Variants in KALRN observed in about 807,000 individuals in gnomAD.
The protein encoded by KALRN is kalirin RhoGEF kinase, also known as kalirin.
KALRN carries 70 observed loss-of-function variants against 353.7 expected under a neutral mutation model. That is an observed-to-expected ratio of 0.20 (90% CI 0.16 to 0.24). The LOEUF (loss-of-function observed/expected upper bound fraction) is 0.24, where lower values mean the gene tolerates loss of function less well. KALRN is among the 10% of genes least tolerant of loss of function. KALRN has a pLI of 1.00. For missense variants in KALRN, 2,791 were observed against 3,756.7 expected (o/e 0.74, Z 6.72); for synonymous variants, 1,391 against 1,434.8 (o/e 0.97, Z 0.69).
chr3:124,724,932 A>G lies in KALRN; in HGVS notation c.*5462A>G, dbSNP rs910088171. The G allele has an allele frequency of 2.6e-5, 4 of 152,212 alleles. No homozygotes were observed. The highest frequency in any genetic ancestry group is 9.6e-5 in the African/African-American group (4 of 41,466). The allele number at this position is 152,212 out of a possible 1,614,324, so 9.4% of individuals were successfully genotyped here. The stretch of plus-strand genomic sequence containing the variant: ...TGCTGTGAGATTCTAAAATGTGTTC[A>G]GATTTAGTTTTTATTCAAATGATCA... On this transcript the variant is annotated 3_prime_UTR_variant, in exon 60 of 60. Coordinates refer to ENST00000682506, the MANE Select transcript of KALRN (RefSeq NM_001388419.1).
At chr3:124,090,889 G>A (rs1254661577) in intron 1 of KALRN, among the ~76,000 whole-genome samples, 13 of 152,222 alleles carry the variant, frequency 8.5e-5, no homozygotes, top group Admixed American at 7.8e-4. Flanking sequence ...TAGAGAATGT[G>A]TGAGGTTAGC....
chr3:124,690,468 A>T (rs2061756270), intron 51 of KALRN, among the ~76,000 whole-genome samples: 3 of 152,216 alleles, frequency 2.0e-5, no homozygotes, highest in African/African-American at 7.2e-5. Flanking sequence ...TCCTTGCTGG[A>T]GGATTTTAAA....
At chr3:124,417,428 A>T (rs2092566304) in intron 14 of KALRN, among the ~76,000 whole-genome samples, 1 of 152,174 alleles carries the variant, frequency 6.6e-6, no homozygotes, top group South Asian at 2.1e-4. Flanking sequence ...TGACTTTAGG[A>T]ATAAGACAAG....
intron 6 of KALRN, among the ~76,000 whole-genome samples, chr3:124,309,734 A>T (rs2078063954): frequency 1.3e-5 from 2 of 152,150 alleles, no homozygotes; most frequent in Non-Finnish European, 2.9e-5. Context: ...AAAATCCAAC[A>T]CCTATTCATA....
At chr3:124,183,743 G>A (rs1390889617) in intron 1 of KALRN, among the ~76,000 whole-genome samples, 1 of 152,158 alleles carries the variant, frequency 6.6e-6, no homozygotes, top group Non-Finnish European at 1.5e-5. Flanking sequence ...AATTGCTATG[G>A]TTTAAGCCAC....
intron 13 of KALRN, among the ~76,000 whole-genome samples, chr3:124,402,210 A>T (rs926596501): frequency 6.6e-6 from 1 of 152,220 alleles, no homozygotes; most frequent in Non-Finnish European, 1.5e-5. Context: ...CTTTGTACTC[A>T]ATAATAATGG....
At chr3:124,097,505 G>A (rs1051001506) in intron 1 of KALRN, among the ~76,000 whole-genome samples, 6 of 152,234 alleles carry the variant, frequency 3.9e-5, no homozygotes, top group Admixed American at 1.3e-4. Context: ...GAACTGATGA[G>A]TTTATCCCAG....
chr3:124,177,288 G>T (rs936007832), intron 1 of KALRN, among the ~76,000 whole-genome samples: 3 of 152,204 alleles, frequency 2.0e-5, no homozygotes, highest in Admixed American at 2.0e-4. Flanking sequence ...CTATTGCTTG[G>T]CAAGTGTGGA....
chr3:124,408,246 GGTTTTGTTTTTT>G (rs2091791840), intron 13 of KALRN, among the ~76,000 whole-genome samples: 1 of 152,096 alleles, frequency 6.6e-6, no homozygotes, highest in South Asian at 2.1e-4. Flanking sequence ...CTGAATTATG[GGTTTTGTTTTTT>G]GTTTTGTTTT....
At chr3:124,410,182 TGAC>T in intron 13 of KALRN, 2 of 531,744 alleles carry the variant, frequency 3.8e-6, no homozygotes, top group South Asian at 2.8e-5. Context: ...TAAAGCCCTC[TGAC>T]GTGACTCTCT....
chr3:124,123,461 G>C (rs999538291), intron 1 of KALRN, among the ~76,000 whole-genome samples: 1 of 152,184 alleles, frequency 6.6e-6, no homozygotes, highest in African/African-American at 2.4e-5. Flanking sequence ...AGGTGAGAGA[G>C]GGGAGGAAGC....
At chr3:124,332,392 C>T (rs899283062) in intron 8 of KALRN, among the ~76,000 whole-genome samples, 3 of 152,092 alleles carry the variant, frequency 2.0e-5, no homozygotes, top group Non-Finnish European at 2.9e-5. Flanking sequence ...CATTCCCTAC[C>T]TTGCTGGTGA....
At chr3:124,679,429 C>T (rs767487657) in intron 50 of KALRN, 29 bp from the exon 51 acceptor site, 47 of 1,584,336 alleles carry the variant, frequency 3.0e-5, no homozygotes, top group Non-Finnish European at 3.9e-5. Context: ...TGTTCTCTTT[C>T]TTCCCCCTTC....
At chr3:124,125,794 G>A (rs1489897438) in intron 1 of KALRN, among the ~76,000 whole-genome samples, 1 of 152,206 alleles carries the variant, frequency 6.6e-6, no homozygotes, top group African/African-American at 2.4e-5. Context: ...TACTTAGGAG[G>A]AGTAAAGAGG....
rs181181433 is a variant in KALRN, at chr3:124,588,014, G to C, written c.5182+24925G>C. The stretch of plus-strand genomic sequence containing the variant: ...TAGCCTTTTTGGTTCTATTGAGTAT[G>C]AGTACAGAAAGCAGGTTTGATGAAA... On this transcript the variant is annotated intron_variant, in intron 34 of 59. Coordinates refer to ENST00000682506, the MANE Select transcript of KALRN (RefSeq NM_001388419.1). 6.0e-5 allele frequency among the ~76,000 whole-genome samples: 9 copies of C among 149,268 alleles called. No individual in the cohort carries two copies. The East Asian group carries it at 1.7e-3, about 29-fold the overall frequency.
intron 13 of KALRN, among the ~76,000 whole-genome samples, chr3:124,405,568 T>G (rs1576641055): frequency 6.7e-6 from 1 of 149,604 alleles, no homozygotes; most frequent in South Asian, 2.1e-4. Context: ...GACACAAGTA[T>G]AAAAAGGAAT....
chr3:124,446,144 A>T lies in KALRN; in HGVS notation c.3314-17A>T, dbSNP rs1468813917. ...TCAGAGCCCCTTGTGACCATCATGC[A>T]TCTCCTCTGCCCACAGCCATCCTGA... On this transcript the variant is annotated splice_polypyrimidine_tract_variant and intron_variant, in intron 19 of 59. Coordinates refer to ENST00000682506, the MANE Select transcript of KALRN (RefSeq NM_001388419.1). The T allele has an allele frequency of 6.3e-7, 1 of 1,582,308 alleles. No individual in the cohort carries two copies. The highest frequency in any genetic ancestry group is 8.7e-7 in the Non-Finnish European group (1 of 1,152,512).
At chr3:124,155,958 A>G (rs1578728546) in intron 1 of KALRN, among the ~76,000 whole-genome samples, 2 of 152,300 alleles carry the variant, frequency 1.3e-5, no homozygotes, top group South Asian at 2.1e-4. Context: ...CAGGATTTCT[A>G]AGATTCATCT....
At chr3:124,455,093 G>A in intron 21 of KALRN, 84 bp from the exon 22 acceptor site, 1 of 1,481,666 alleles carries the variant, frequency 6.7e-7, no homozygotes. Flanking sequence ...ATCTATGGCT[G>A]CTCTAAACAG....
Sources: allele counts gnomAD v4.1 joint callset (sites outside exome capture counted in the v4.1 genomes callset), GRCh38; gene constraint gnomAD v4.1.1; transcripts MANE v1.5; gene names NCBI Gene and HGNC (gene_info 2026-07-23, HGNC 2026-07-21).